Variants in PGAP1 observed in about 807,000 individuals in gnomAD.
The protein encoded by PGAP1 is post-GPI attachment to proteins inositol deacylase 1.
Under a neutral mutation model 127.0 loss-of-function variants are expected in PGAP1, and 76 were observed. The ratio of observed to expected loss-of-function variants is 0.60; its 90% CI spans 0.50 to 0.72. The LOEUF (loss-of-function observed/expected upper bound fraction) is 0.72, where lower values mean the gene tolerates loss of function less well. PGAP1 is among the 30% of genes least tolerant of loss of function. The pLI, the probability that PGAP1 is intolerant of heterozygous loss-of-function variation, is 0.00. For synonymous variants in PGAP1, 362 were observed against 366.5 expected (o/e 0.99, Z 0.14); for missense variants, 982 against 1,071.3 (o/e 0.92, Z 1.16).
chr2:196,874,352 A>G (rs1576134265), intron 14 of PGAP1, among the ~76,000 whole-genome samples: 1 of 152,286 alleles, frequency 6.6e-6, no homozygotes, highest in Non-Finnish European at 1.5e-5. Flanking sequence ...AATTGAATAA[A>G]TAAATAATGG....
At chr2:196,882,566 C>G (rs2125809358) in intron 12 of PGAP1, among the ~76,000 whole-genome samples, 1 of 152,186 alleles carries the variant, frequency 6.6e-6, no homozygotes, top group South Asian at 2.1e-4. Context: ...GAACTTTTAT[C>G]TCTCTGATCA....
At chr2:196,857,153 T>C (rs1229943429) in intron 20 of PGAP1, among the ~76,000 whole-genome samples, 1 of 152,178 alleles carries the variant, frequency 6.6e-6, no homozygotes, top group Non-Finnish European at 1.5e-5. Flanking sequence ...AACCCCATAG[T>C]CTCGGCTCAA....
At chr2:196,895,245 T>C (rs1166870050) in intron 7 of PGAP1, among the ~76,000 whole-genome samples, 6 of 152,214 alleles carry the variant, frequency 3.9e-5, no homozygotes, top group African/African-American at 1.4e-4. Flanking sequence ...CTATAGTTCT[T>C]TTCTCATCTT....
intron 16 of PGAP1, 25 bp downstream of exon 16, chr2:196,873,503 T>C: frequency 1.9e-6 from 3 of 1,562,700 alleles, no homozygotes; most frequent in South Asian, 1.1e-5. Flanking sequence ...TTATTTTCTA[T>C]ACATTTTTTA....
Position 196,893,018 on chromosome 2 carries a change from A to G in PGAP1, c.1033+122T>C, listed in dbSNP as rs536227264. 2.6e-5 allele frequency: 13 copies of G among 494,362 alleles called. No homozygotes were observed. The South Asian group carries it at 3.5e-4, about 13-fold the overall frequency. 30.6% of individuals were successfully genotyped at this position (494,362 alleles called of 1,614,324 possible). ...GGAAATTAATAATATATGTATATAT[A>G]TAATAGGATCCTAAAACTTGAAGTA... On this transcript the variant is annotated intron_variant, in intron 8 of 26. Transcript: ENST00000354764.
At chr2:196,855,762 AT>A (rs1553597394) in intron 20 of PGAP1, among the ~76,000 whole-genome samples, 21 of 151,608 alleles carry the variant, frequency 1.4e-4, no homozygotes, top group African/African-American at 3.4e-4. Context: ...TGGCCGTATG[AT>A]TTTTTTTTAT....
Position 196,926,457 on chromosome 2 carries a change from G to A in PGAP1, c.147+13C>T. The A allele has an allele frequency of 6.2e-7, 1 of 1,614,008 alleles. No individual in the cohort carries two copies. Among genetic ancestry groups the A allele is most frequent in the Non-Finnish European group, 8.5e-7 (1 of 1,180,002 alleles). On this transcript the variant is annotated intron_variant, in intron 1 of 26. Coordinates refer to ENST00000354764, the MANE Select transcript of PGAP1 (RefSeq NM_024989.4). ...TCTTGGAGCGCCCGGCTGAGGAGAG[G>A]GCAGAACCTTACCTGATACTCCGGG...
At chr2:196,900,730 C>A (rs1702457562) in intron 5 of PGAP1, among the ~76,000 whole-genome samples, 1 of 152,084 alleles carries the variant, frequency 6.6e-6, no homozygotes, top group African/African-American at 2.4e-5. Context: ...TCGAGACCAT[C>A]CTGGCTAACA....
chr2:196,861,583 C>A (rs758971720), intron 20 of PGAP1, among the ~76,000 whole-genome samples: 1 of 152,120 alleles, frequency 6.6e-6, no homozygotes, highest in Non-Finnish European at 1.5e-5. Flanking sequence ...CGCCTGTAAT[C>A]CCAGCACTTT....
At chr2:196,880,589 G>C (rs1205438446) in intron 12 of PGAP1, among the ~76,000 whole-genome samples, 1 of 152,070 alleles carries the variant, frequency 6.6e-6, no homozygotes, top group East Asian at 1.9e-4. Flanking sequence ...TATAATGAAA[G>C]AGTTACAATT....
intron 20 of PGAP1, among the ~76,000 whole-genome samples, chr2:196,855,322 C>T (rs1307682421): frequency 2.1e-5 from 2 of 97,084 alleles, no homozygotes; most frequent in Non-Finnish European, 3.8e-5. Flanking sequence ...GAGACTCTGT[C>T]ACCAAAAAAA....
intron 7 of PGAP1, 70 bp from the exon 8 acceptor site, chr2:196,893,315 A>G (rs971461580): frequency 2.4e-6 from 2 of 826,488 alleles, no homozygotes; most frequent in African/African-American, 1.7e-5. Flanking sequence ...ACATTGCTTC[A>G]GTAATGATGA....
chr2:196,846,760 C>A (rs369561209), intron 22 of PGAP1, among the ~76,000 whole-genome samples: 11 of 152,234 alleles, frequency 7.2e-5, no homozygotes, highest in Middle Eastern at 3.4e-3. Flanking sequence ...AAACTATCTG[C>A]GTAATTTGTC....
At chr2:196,873,142 A>G in intron 16 of PGAP1, 116 bp from the exon 17 acceptor site, 1 of 472,300 alleles carries the variant, frequency 2.1e-6, no homozygotes, top group Non-Finnish European at 3.8e-6. Context: ...AAATCAGTAC[A>G]GGTTATATTA....
Position 196,875,811 on chromosome 2 carries a change from T to C in PGAP1, c.1361A>G (p.Asp454Gly), listed in dbSNP as rs1247732012. 2 of 1,470,324 alleles carry C rather than the reference T, an allele frequency of 1.4e-6. No homozygotes were observed. The highest frequency in any genetic ancestry group is 2.8e-5 in the African/African-American group (2 of 71,582). The allele number at this position is 1,470,324 out of a possible 1,614,324, so 91.1% of individuals were successfully genotyped here. A position where few individuals can be genotyped will look rare whatever the true frequency, so the allele number is the denominator to read the frequency against. Residue 454 changes from aspartate (D) to glycine (G), a missense_variant, in exon 14 of 27, where the codon GAT becomes GGT. Physicochemically the swap from Asp to Gly is moderately conservative, Grantham distance 94. Coordinates refer to ENST00000354764, the MANE Select transcript of PGAP1 (RefSeq NM_024989.4). Reference protein sequence around the residue: ...PSVRGSKFVVDCEFFKKEKRY... With the variant: ...PSVRGSKFVVGCEFFKKEKRY... The stretch of plus-strand genomic sequence containing the variant: ...TTTCTCTTTTTTAAAGAATTCACAA[T>C]CTACAACAAACTGAAATATAAAACA...
intron 1 of PGAP1, among the ~76,000 whole-genome samples, chr2:196,923,565 C>T (rs1703276254): frequency 6.6e-6 from 1 of 152,182 alleles, no homozygotes; most frequent in Non-Finnish European, 1.5e-5. Context: ...CACCAAGTAG[C>T]TAGATATACC....
intron 13 of PGAP1, among the ~76,000 whole-genome samples, chr2:196,878,730 A>T (rs2125805443): frequency 6.6e-6 from 1 of 152,302 alleles, no homozygotes; most frequent in Admixed American, 6.5e-5. Context: ...ATGGCCATGA[A>T]CTAATTTTCC....
chr2:196,867,993 AC>A (rs1488414895), intron 19 of PGAP1, among the ~76,000 whole-genome samples: 3 of 152,180 alleles, frequency 2.0e-5, no homozygotes, highest in African/African-American at 7.2e-5. Context: ...AATATACTCT[AC>A]TTATCGAGAG....
At position 196,839,810 on chromosome 2, in the gene PGAP1, G is replaced by T. The variant is rs1170063708; in HGVS notation, c.*1424C>A. The T allele has an allele frequency of 1.3e-5, 2 of 152,200 alleles. No individual in the cohort carries two copies. The highest frequency in any genetic ancestry group is 2.4e-5 in the African/African-American group (1 of 41,446). 9.4% of individuals were successfully genotyped at this position (152,200 alleles called of 1,614,324 possible). ...TGCAATGGCAGATAAAATAAAACTG[G>T]TGCTCGAGGACATCCCTGGGTACTA... On this transcript the variant is annotated 3_prime_UTR_variant, in exon 27 of 27. Transcript: ENST00000354764.
Sources: gnomAD v4.1 joint callset for allele counts (sites outside exome capture counted in the v4.1 genomes callset) on GRCh38, gnomAD v4.1.1 for gene constraint, MANE v1.5 for transcripts, NCBI Gene and HGNC (gene_info 2026-07-23, HGNC 2026-07-21) for gene names.